The following RBFOX1 variants were observed in gnomAD, a reference collection of about 807,000 sequenced individuals.
The protein encoded by RBFOX1 is RNA binding fox-1 homolog 1.
RBFOX1 carries 8 observed loss-of-function variants against 57.7 expected under a neutral mutation model. That is an observed-to-expected ratio of 0.14 (90% CI 0.08 to 0.25). The LOEUF (loss-of-function observed/expected upper bound fraction) is 0.25, where lower values mean the gene tolerates loss of function less well. RBFOX1 is among the 10% of genes least tolerant of loss of function. The pLI is 1.00. For missense variants in RBFOX1, 611 were observed against 548.5 expected, an observed-to-expected ratio of 1.11 and a Z score of -1.14; for synonymous variants, 326 against 222.4, an observed-to-expected ratio of 1.47 and a Z score of -4.15.
rs533792632 is a variant in RBFOX1 at position 6,763,348 on chromosome 16, C to G, written c.-16+108698C>G. ...AGGCTAGACACTTGTAAGCCCATCA[C>G]CAGTGATTACTTTCCTGTTGGAGAG... On this transcript the variant is annotated intron_variant, in intron 3 of 15. Transcript: ENST00000550418. 3.9e-5 allele frequency among the ~76,000 whole-genome samples: 6 copies of G among 152,336 alleles called. No homozygotes were observed. The East Asian group carries it at 9.6e-4, about 24-fold the overall frequency.
intron 3 of RBFOX1, among the ~76,000 whole-genome samples, chr16:5,862,189 G>A (rs143455037): frequency 6.6e-6 from 1 of 152,236 alleles, no homozygotes; most frequent in Non-Finnish European, 1.5e-5. Context: ...GGGGATCTAA[G>A]ATTTTCATGT....
chr16:6,570,941 C>T (rs944907485), intron 2 of RBFOX1, among the ~76,000 whole-genome samples: 1 of 152,076 alleles, frequency 6.6e-6, no homozygotes, highest in Non-Finnish European at 1.5e-5. Flanking sequence ...TTATATTGCT[C>T]ATTAATCAGA....
intron 3 of RBFOX1, among the ~76,000 whole-genome samples, chr16:5,808,638 C>G (rs149529799): frequency 0.019 from 2,828 of 152,150 alleles, 102 homozygotes; most frequent in African/African-American, 0.065. Context: ...CCTTTACGTC[C>G]CTTGTAAGTT....
intron 3 of RBFOX1, among the ~76,000 whole-genome samples, chr16:5,802,052 A>C (rs2055076617): frequency 6.6e-6 from 1 of 152,094 alleles, no homozygotes; most frequent in South Asian, 2.1e-4. Flanking sequence ...TTTATAGATT[A>C]AATCTGATTC....
chr16:6,884,071 G>A (rs559004968), intron 3 of RBFOX1, among the ~76,000 whole-genome samples: 1 of 152,260 alleles, frequency 6.6e-6, no homozygotes, highest in East Asian at 1.9e-4. Flanking sequence ...CAGAGCGGTG[G>A]CTGCTGTGTT....
intron 2 of RBFOX1, among the ~76,000 whole-genome samples, chr16:6,324,537 G>T (rs2082158278): frequency 6.6e-6 from 1 of 152,076 alleles, no homozygotes; most frequent in Non-Finnish European, 1.5e-5. Flanking sequence ...AACAAGAGAG[G>T]GAGAGGAGGC....
At position 6,199,040 on chromosome 16, in the gene RBFOX1, A is replaced by G. The variant is rs74249632; in HGVS notation, c.-126-117955A>G. Among the ~76,000 whole-genome samples the G allele has an allele frequency of 9.8e-3, 1,493 of 152,088 alleles. 12 individuals carry two copies. The highest frequency in any genetic ancestry group is 0.017 in the Middle Eastern group (5 of 294). On this transcript the variant is annotated intron_variant, in intron 1 of 15. Transcript: ENST00000550418. Reference sequence around the variant, plus strand: ...ATTTTTTCATTTATGAAAAGCAAATAGGTCACGTGTTTTCTCTTCTGCAGC... The same window carrying G: ...ATTTTTTCATTTATGAAAAGCAAATGGGTCACGTGTTTTCTCTTCTGCAGC...
At chr16:5,793,178 A>C (rs1055784451) in intron 3 of RBFOX1, among the ~76,000 whole-genome samples, 1 of 152,086 alleles carries the variant, frequency 6.6e-6, no homozygotes, top group African/African-American at 2.4e-5. Flanking sequence ...CTAAACTTGC[A>C]CTTCAGCCTC....
intron 1 of RBFOX1, among the ~76,000 whole-genome samples, chr16:6,294,259 G>A (rs2077817474): frequency 6.6e-6 from 1 of 152,196 alleles, no homozygotes. Context: ...GAGATGGGTG[G>A]GGCCTGGGGA....
rs2092255266 is a variant in RBFOX1 at position 6,827,142 on chromosome 16, A to G, written c.-16+172492A>G. On this transcript the variant is annotated intron_variant, in intron 3 of 15. Coordinates refer to ENST00000550418, the MANE Select transcript of RBFOX1 (RefSeq NM_018723.4). ...AACACCAGTGAATATAAGATATACC[A>G]TCCTAAAGAGGACACTATTTTTTAC... Among the ~76,000 whole-genome samples the G allele has an allele frequency of 3.3e-5, 5 of 152,130 alleles. No individual in the cohort carries two copies. The South Asian group carries it at 1.0e-3, about 32-fold the overall frequency.
At chr16:5,983,984 C>T (rs556289973) in intron 4 of RBFOX1, among the ~76,000 whole-genome samples, 1 of 139,238 alleles carries the variant, frequency 7.2e-6, no homozygotes, top group Non-Finnish European at 1.6e-5. Flanking sequence ...CTTCTTCTTC[C>T]TCCCACATTC....
intron 2 of RBFOX1, among the ~76,000 whole-genome samples, chr16:6,625,141 G>C (rs1232726991): frequency 4.2e-5 from 5 of 120,142 alleles, no homozygotes; most frequent in African/African-American, 1.6e-4. Flanking sequence ...CTCCATCCTC[G>C]GCCACCAACC....
chr16:6,215,068 G>C (rs550360000), intron 1 of RBFOX1, among the ~76,000 whole-genome samples: 1 of 121,354 alleles, frequency 8.2e-6, no homozygotes, highest in African/African-American at 3.1e-5. Flanking sequence ...GGAGAGGGAC[G>C]GGGAGATGGG....
chr16:7,588,480 C>G (rs543406979), intron 7 of RBFOX1, among the ~76,000 whole-genome samples: 55 of 152,318 alleles, frequency 3.6e-4, no homozygotes, highest in Admixed American at 3.1e-3. Context: ...AGATGTGGAT[C>G]TTGGTAACCA....
intron 4 of RBFOX1, among the ~76,000 whole-genome samples, chr16:5,951,080 G>T (rs919480199): frequency 1.6e-4 from 25 of 152,126 alleles, no homozygotes; most frequent in African/African-American, 5.6e-4. Flanking sequence ...CAGAGGTGGC[G>T]ATTTGGGGGC....
intron 4 of RBFOX1, among the ~76,000 whole-genome samples, chr16:7,355,057 A>G (rs2097191296): frequency 6.6e-6 from 1 of 152,206 alleles, no homozygotes; most frequent in Non-Finnish European, 1.5e-5. Context: ...CATTTAACGC[A>G]TGAGGTCTTA....
chr16:7,356,304 G>A (rs1422940590), intron 4 of RBFOX1, among the ~76,000 whole-genome samples: 1 of 152,150 alleles, frequency 6.6e-6, no homozygotes, highest in Non-Finnish European at 1.5e-5. Flanking sequence ...ATAGATCTAA[G>A]CAACAAAAGA....
At chr16:7,200,537 G>A (rs915684037) in intron 4 of RBFOX1, among the ~76,000 whole-genome samples, 1 of 152,166 alleles carries the variant, frequency 6.6e-6, no homozygotes, top group Non-Finnish European at 1.5e-5. Flanking sequence ...TGCTTGCATG[G>A]AGCTCATATT....
At chr16:5,694,376 G>A (rs113188407) in intron 3 of RBFOX1, among the ~76,000 whole-genome samples, 12 of 152,152 alleles carry the variant, frequency 7.9e-5, no homozygotes, top group African/African-American at 2.2e-4. Context: ...TCTGCCTTCC[G>A]TCTACTTAGT....
Sources: gnomAD v4.1 joint callset for allele counts (sites outside exome capture counted in the v4.1 genomes callset) on GRCh38, gnomAD v4.1.1 for gene constraint, MANE v1.5 for transcripts, NCBI Gene and HGNC (gene_info 2026-07-23, HGNC 2026-07-21) for gene names.